STOML3: variants seen among roughly 807,000 people sequenced by gnomAD.
STOML3 encodes stomatin like 3.
In STOML3, 31 loss-of-function variants were observed where a neutral mutation model predicts 29.5. The ratio of observed to expected loss-of-function variants is 1.05; its 90% CI spans 0.79 to 1.42. The LOEUF is 1.42. STOML3 is among the 40% of genes most tolerant of loss of function. The probability of loss-of-function intolerance (pLI) is 0.00; values close to 1 mark genes in which losing one functional copy is unlikely to be tolerated. For missense variants in STOML3, 380 were observed against 363.0 expected (o/e 1.05, Z -0.38); for synonymous variants, 122 against 139.8 (o/e 0.87, Z 0.90).
At chr13:38,990,592 A>G in intron 1 of STOML3, 78 bp downstream of exon 1, 5 of 1,456,758 alleles carry the variant, frequency 3.4e-6, no homozygotes, top group Non-Finnish European at 4.8e-6. Flanking sequence ...TACTTACTCT[A>G]TACCTGTCTA....
intron 1 of STOML3, among the ~76,000 whole-genome samples, chr13:38,981,876 T>C (rs1228003907): frequency 6.6e-6 from 1 of 152,140 alleles, no homozygotes; most frequent in Non-Finnish European, 1.5e-5. Flanking sequence ...AAGCTAAACA[T>C]GTATCTACTT....
At chr13:38,987,719 AT>A (rs1252156495) in intron 1 of STOML3, among the ~76,000 whole-genome samples, 1 of 130,802 alleles carries the variant, frequency 7.6e-6, no homozygotes, top group African/African-American at 2.9e-5. Flanking sequence ...ATATATATTA[AT>A]TCATATAACT....
chr13:38,972,395 G>T, intron 4 of STOML3, 117 bp downstream of exon 4: 6 of 941,474 alleles, frequency 6.4e-6, no homozygotes, highest in Non-Finnish European at 9.6e-6. Context: ...GGTCTCTGCG[G>T]GTACTCAGCT....
chr13:38,966,717 G>A lies in STOML3; in HGVS notation c.*108C>T, dbSNP rs1192454685. The A allele has an allele frequency of 9.7e-6, 9 of 932,332 alleles. No homozygotes were observed. The highest frequency in any genetic ancestry group is 1.5e-5 in the Non-Finnish European group (9 of 597,288). 57.8% of individuals were successfully genotyped at this position (932,332 alleles called of 1,614,324 possible). On this transcript the variant is annotated 3_prime_UTR_variant, in exon 7 of 7. Coordinates refer to ENST00000379631, the MANE Select transcript of STOML3 (RefSeq NM_145286.3). Reference sequence around the variant, plus strand: ...CTGCCAATGCTCTTCCATCTATGGAGTTACTGTTACATGAACAGTGTTGGA... The same window carrying A: ...CTGCCAATGCTCTTCCATCTATGGAATTACTGTTACATGAACAGTGTTGGA...
intron 1 of STOML3, among the ~76,000 whole-genome samples, chr13:38,985,990 T>A (rs1303861876): frequency 7.2e-6 from 1 of 138,460 alleles, no homozygotes; most frequent in African/African-American, 2.7e-5. Context: ...AATGGAAGTA[T>A]AAGTGGTTTT....
chr13:38,982,713 A>G (rs1038134809), intron 1 of STOML3, among the ~76,000 whole-genome samples: 1 of 152,170 alleles, frequency 6.6e-6, no homozygotes, highest in Non-Finnish European at 1.5e-5. Context: ...CCTAAATAAG[A>G]TGGTTACAAG....
Position 38,990,732 on chromosome 13 carries a change from A to C in STOML3, c.-11T>G. ...CACCCTAGAATCCATCTCATTCTTG[A>C]GAAGCTTTTATACTTGGCAATTTTT... On this transcript the variant is annotated 5_prime_UTR_variant, in exon 1 of 7. Coordinates refer to ENST00000379631, the MANE Select transcript of STOML3 (RefSeq NM_145286.3). 6.2e-7 allele frequency: 1 copy of C among 1,613,708 alleles called. No homozygotes were observed. The highest frequency in any genetic ancestry group is 8.5e-7 in the Non-Finnish European group (1 of 1,179,768).
chr13:38,978,479 TTCC>T (rs1444661733), intron 1 of STOML3, among the ~76,000 whole-genome samples: 1 of 152,058 alleles, frequency 6.6e-6, no homozygotes, highest in Non-Finnish European at 1.5e-5. Flanking sequence ...TAAATCCTTG[TTCC>T]TCCTTATTCC....
At position 38,976,813 on chromosome 13, in the gene STOML3, G is replaced by A. The variant is rs772434399; in HGVS notation, c.53-16C>T. 5 of 1,604,896 alleles carry A rather than the reference G, an allele frequency of 3.1e-6. No homozygotes were observed. In the South Asian group the frequency reaches 5.5e-5, roughly 18 times the overall value. Reference sequence around the variant, plus strand: ...TTGTTGACACCTAGGAAATGAGAAGGAAGCAAATATGTGATCAATGTGGTT... The same window carrying A: ...TTGTTGACACCTAGGAAATGAGAAGAAAGCAAATATGTGATCAATGTGGTT... On this transcript the variant is annotated splice_polypyrimidine_tract_variant and intron_variant, in intron 1 of 6. Coordinates refer to ENST00000379631, the MANE Select transcript of STOML3 (RefSeq NM_145286.3).
At position 38,990,750 on chromosome 13, in the gene STOML3, C is replaced by T. The variant is rs1868972369; in HGVS notation, c.-29G>A. 4.3e-6 allele frequency: 7 copies of T among 1,611,042 alleles called. No individual in the cohort carries two copies. In the East Asian group the frequency reaches 1.6e-4, roughly 36 times the overall value. On this transcript the variant is annotated 5_prime_UTR_variant, in exon 1 of 7. Transcript: ENST00000379631. ...ATTCTTGAGAAGCTTTTATACTTGG[C>T]AATTTTTCATGGGTTTGGAGCTAAG... is the stretch of plus-strand genomic sequence containing the variant.
chr13:38,988,728 T>C (rs1290779503), intron 1 of STOML3, among the ~76,000 whole-genome samples: 1 of 140,710 alleles, frequency 7.1e-6, no homozygotes, highest in Non-Finnish European at 1.5e-5. Context: ...AAGTGACAAC[T>C]GGAAAAACAT....
chr13:38,968,899 T>C (rs1880762601), intron 5 of STOML3, among the ~76,000 whole-genome samples: 2 of 152,126 alleles, frequency 1.3e-5, no homozygotes, highest in African/African-American at 2.4e-5. Flanking sequence ...ATGAACGGGT[T>C]TCTCAGACAG....
intron 1 of STOML3, among the ~76,000 whole-genome samples, chr13:38,989,907 C>A (rs1002465255): frequency 2.0e-5 from 3 of 152,006 alleles, no homozygotes; most frequent in African/African-American, 7.3e-5. Context: ...GTCATACACA[C>A]ACGCACACTC....
Position 38,968,401 on chromosome 13 carries a change from T to G in STOML3, c.650A>C (p.Lys217Thr), listed in dbSNP as rs1880734941. Reference protein sequence around the residue: ...EAEATREARAKVLAAEGEMNA... With the variant: ...EAEATREARATVLAAEGEMNA... ...ATGTGTGAACTGCACAACACTTACC[T>G]TGGCTCTCGCTTCCCGGGTGGCCTC... is the stretch of plus-strand genomic sequence containing the variant. Residue 217 changes from lysine to threonine, a missense_variant and splice_region_variant, in exon 6 of 7, where the codon AAG (lysine) becomes ACG (threonine). By Grantham distance (78) the Lys-to-Thr change is moderately conservative (BLOSUM62 -1). Coordinates refer to ENST00000379631, the MANE Select transcript of STOML3 (RefSeq NM_145286.3). 1 of 1,614,048 alleles carries G rather than the reference T, an allele frequency of 6.2e-7. No homozygotes were observed. The highest frequency in any genetic ancestry group is 1.1e-5 in the South Asian group (1 of 91,094).
In STOML3 at chr13:38,976,527, G is replaced by A. The variant is rs73169448; in HGVS notation, c.229+13C>T. The A allele has an allele frequency of 1.8e-4, 298 of 1,613,908 alleles. 1 individual carries two copies. Among genetic ancestry groups the A allele is most frequent in the Non-Finnish European group, 1.9e-4 (224 of 1,179,974 alleles). On this transcript the variant is annotated intron_variant, in intron 3 of 6. Transcript: ENST00000379631. ...CCCTGATCTTTCAGGGGCAGCCACC[G>A]CGTCATTCATACCTGGCCCCTTGGC...
Position 38,966,601 on chromosome 13 carries a change from C to T in STOML3, c.*224G>A. On this transcript the variant is annotated 3_prime_UTR_variant, in exon 7 of 7. Transcript: ENST00000379631. The stretch of plus-strand genomic sequence containing the variant: ...ACTAATTAATTATATAAGAATATTA[C>T]AAAGTTGATTATGGTCCTAAAAATA... The T allele has an allele frequency of 2.7e-6, 1 of 371,024 alleles. No individual in the cohort carries two copies. Among genetic ancestry groups the T allele is most frequent in the Non-Finnish European group, 4.8e-6 (1 of 206,310 alleles). The allele number at this position is 371,024 out of a possible 1,614,324, so 23.0% of individuals were successfully genotyped here.
intron 1 of STOML3, among the ~76,000 whole-genome samples, chr13:38,986,162 G>A (rs1868539648): frequency 6.8e-6 from 1 of 148,042 alleles, no homozygotes; most frequent in South Asian, 2.1e-4. Flanking sequence ...CTCCCTCCCA[G>A]TAGCAGGGAT....
intron 1 of STOML3, among the ~76,000 whole-genome samples, chr13:38,980,517 A>G (rs1881235653): frequency 6.6e-6 from 1 of 152,148 alleles, no homozygotes; most frequent in East Asian, 1.9e-4. Context: ...TTCAAGCTAT[A>G]CAAGGCTCTG....
Position 38,966,007 on chromosome 13 carries a change from A to T in STOML3, c.*818T>A, listed in dbSNP as rs1438541694. On this transcript the variant is annotated 3_prime_UTR_variant, in exon 7 of 7. Coordinates refer to ENST00000379631, the MANE Select transcript of STOML3 (RefSeq NM_145286.3). ...CAGGTGGGGGAGGGGATGTGGATAG[A>T]GTTCACAAACATTCTCGATTACCTG... 6.6e-6 allele frequency: 1 copy of T among 152,238 alleles called. No homozygotes were observed. Among genetic ancestry groups the T allele is most frequent in the African/African-American group, 2.4e-5 (1 of 41,458 alleles). The allele number at this position is 152,238 out of a possible 1,614,324, so 9.4% of individuals were successfully genotyped here.
Sources: allele counts gnomAD v4.1 joint callset (sites outside exome capture counted in the v4.1 genomes callset), GRCh38; gene constraint gnomAD v4.1.1; transcripts MANE v1.5; gene names NCBI Gene and HGNC (gene_info 2026-07-23, HGNC 2026-07-21).